Variants in ADCY2 observed in about 807,000 individuals in gnomAD.
ADCY2 encodes adenylate cyclase 2.
ADCY2 carries 31 observed loss-of-function variants against 125.2 expected under a neutral mutation model. The ratio of observed to expected loss-of-function variants is 0.25; its 90% CI spans 0.19 to 0.33. The LOEUF (loss-of-function observed/expected upper bound fraction) is 0.33, where lower values mean the gene tolerates loss of function less well. Ranked by LOEUF, ADCY2 falls within the 10% of genes least tolerant of loss-of-function variation. The pLI is 1.00. For missense variants in ADCY2, 904 were observed against 1,418.2 expected (o/e 0.64, Z 5.82); for synonymous variants, 512 against 548.4 (o/e 0.93, Z 0.93).
intron 4 of ADCY2, among the ~76,000 whole-genome samples, chr5:7,648,393 T>C (rs1738973554): frequency 6.6e-6 from 1 of 152,200 alleles, no homozygotes; most frequent in South Asian, 2.1e-4. Context: ...CTTCTTTGCA[T>C]TTACGGGGAA....
intron 3 of ADCY2, chr5:7,611,219 C>T (rs920319037): frequency 3.3e-5 from 5 of 152,144 alleles, no homozygotes; most frequent in African/African-American, 9.7e-5. Context: ...TTATATGTGA[C>T]ATAGCCTTAT....
intron 15 of ADCY2, among the ~76,000 whole-genome samples, chr5:7,746,979 T>A (rs1742645608): frequency 2.5e-5 from 1 of 39,392 alleles, no homozygotes; most frequent in Non-Finnish European, 6.2e-5. Flanking sequence ...GCAAAAAAAA[T>A]GGTGATGATG....
At chr5:7,413,198 G>T (rs114980514) in intron 1 of ADCY2, among the ~76,000 whole-genome samples, 329 of 152,318 alleles carry the variant, frequency 2.2e-3, no homozygotes, top group African/African-American at 7.7e-3. Context: ...CTGCCAGTGG[G>T]TGGAATGAAC....
In ADCY2 at chr5:7,690,773, A is replaced by G. The variant is rs370280805; in HGVS notation, c.803A>G (p.Lys268Arg). ...ATCATCCAGAGGCTGCAGGGCCCCA[A>G]GGCGGGCCAGATGGAGAACACAAAT... ...AEIIQRLQGP[K>R]AGQMENTNNF... Residue 268 changes from lysine to arginine, a missense_variant, in exon 5 of 25, where the codon AAG becomes AGG. This residue lies in a region of ADCY2 where 117 missense variants were observed against 248.0 expected (regional missense o/e 0.47). Transcript: ENST00000338316. 8.1e-6 allele frequency: 13 copies of G among 1,610,630 alleles called. No homozygotes were observed. The African/African-American group carries it at 1.6e-4, about 20-fold the overall frequency.
At chr5:7,776,769 T>C (rs1743741042) in intron 18 of ADCY2, among the ~76,000 whole-genome samples, 1 of 152,196 alleles carries the variant, frequency 6.6e-6, no homozygotes, top group Admixed American at 6.5e-5. Flanking sequence ...TAAGCTGGCT[T>C]GCTGGCTCTT....
At chr5:7,535,582 A>T (rs1278314898) in intron 3 of ADCY2, among the ~76,000 whole-genome samples, 2 of 152,134 alleles carry the variant, frequency 1.3e-5, no homozygotes, top group Non-Finnish European at 2.9e-5. Flanking sequence ...AAAAATGACC[A>T]CGCTTCCGGC....
chr5:7,663,453 C>A (rs980533399), intron 4 of ADCY2, among the ~76,000 whole-genome samples: 2 of 152,256 alleles, frequency 1.3e-5, no homozygotes, highest in Non-Finnish European at 2.9e-5. Context: ...GCCTAGTACC[C>A]AAGCCTCAGT....
chr5:7,446,960 A>G (rs1741285022), intron 2 of ADCY2, among the ~76,000 whole-genome samples: 1 of 152,184 alleles, frequency 6.6e-6, no homozygotes, highest in Non-Finnish European at 1.5e-5. Context: ...ATTAATGAGT[A>G]TCCACAGACC....
chr5:7,789,394 G>A (rs560061184), intron 19 of ADCY2, among the ~76,000 whole-genome samples: 86 of 152,270 alleles, frequency 5.6e-4, no homozygotes, highest in African/African-American at 2.0e-3. Flanking sequence ...ATGGCGCTTT[G>A]AATTTAAGCC....
rs761858513 is a variant in ADCY2, at chr5:7,690,708, C to T, written c.738C>T (p.Ser246=). The T allele has an allele frequency of 3.8e-6, 6 of 1,597,296 alleles. No homozygotes were observed. Among genetic ancestry groups the T allele is most frequent in the Non-Finnish European group, 4.3e-6 (5 of 1,173,282 alleles). The change falls in exon 5 of 25, where the codon TCC becomes TCT. Residue 246 remains serine, a synonymous_variant. Transcript: ENST00000338316. ...EKRQQERLLL[S]LLPAHIAMEM... ...TTGTCCAGGAGCGGCTTCTGCTCTC[C>T]CTGCTGCCGGCCCACATCGCCATGG...
chr5:7,572,980 G>C (rs1736111461), intron 3 of ADCY2, among the ~76,000 whole-genome samples: 1 of 152,142 alleles, frequency 6.6e-6, no homozygotes, highest in Admixed American at 6.6e-5. Context: ...AGGGTGGGCT[G>C]TAATCTGATA....
intron 2 of ADCY2, among the ~76,000 whole-genome samples, chr5:7,453,668 C>T (rs1002654690): frequency 3.3e-5 from 5 of 152,102 alleles, no homozygotes; most frequent in Admixed American, 1.3e-4. Context: ...GACGAGTGCA[C>T]GGTTTGACTT....
intron 15 of ADCY2, among the ~76,000 whole-genome samples, chr5:7,751,758 A>C (rs144601123): frequency 2.0e-5 from 3 of 152,072 alleles, no homozygotes; most frequent in African/African-American, 7.2e-5. Context: ...GCCCAAGGAA[A>C]TATCTTCTTT....
chr5:7,701,917 G>A (rs1049181339), intron 7 of ADCY2, among the ~76,000 whole-genome samples: 1 of 152,108 alleles, frequency 6.6e-6, no homozygotes, highest in South Asian at 2.1e-4. Context: ...TATCTTATGT[G>A]TGCAGAATCT....
intron 4 of ADCY2, among the ~76,000 whole-genome samples, chr5:7,634,986 C>T (rs1738444444): frequency 6.6e-6 from 1 of 152,032 alleles, no homozygotes; most frequent in East Asian, 1.9e-4. Context: ...AGGTCTCAGA[C>T]CTAGGAGGGC....
intron 4 of ADCY2, among the ~76,000 whole-genome samples, chr5:7,645,123 T>A (rs967227672): frequency 1.5e-4 from 23 of 152,182 alleles, no homozygotes; most frequent in African/African-American, 4.8e-4. Context: ...TCCTTATCTG[T>A]AGAGCAGAGA....
Position 7,698,375 on chromosome 5 carries a change from G to A in ADCY2, c.1109+1G>A. 6.2e-7 allele frequency: 1 copy of A among 1,614,096 alleles called. No individual in the cohort carries two copies. Among genetic ancestry groups the A allele is most frequent in the Non-Finnish European group, 8.5e-7 (1 of 1,179,994 alleles). ...GGCTGGACATGTGTGAAGCCATAAA[G>A]TAAGTGGACTGCTTAGTAAGCATTT... On this transcript the variant is annotated splice_donor_variant, in intron 7 of 24. Transcript: ENST00000338316. LOFTEE classifies it high-confidence loss of function.
chr5:7,628,288 G>A (rs1051362975), intron 4 of ADCY2, among the ~76,000 whole-genome samples: 4 of 152,098 alleles, frequency 2.6e-5, no homozygotes, highest in African/African-American at 4.8e-5. Context: ...CTTCAAAATA[G>A]CACTAAAGCT....
chr5:7,551,232 C>G (rs1735329599), intron 3 of ADCY2, among the ~76,000 whole-genome samples: 1 of 152,058 alleles, frequency 6.6e-6, no homozygotes, highest in Non-Finnish European at 1.5e-5. Flanking sequence ...CTCTAAAAAT[C>G]TTATTTGGGG....
Sources: gnomAD v4.1 joint callset for allele counts (sites outside exome capture counted in the v4.1 genomes callset) on GRCh38, gnomAD v4.1.1 for gene constraint, gnomAD v4.1.1 regional missense constraint, MANE v1.5 for transcripts, NCBI Gene and HGNC (gene_info 2026-07-23, HGNC 2026-07-21) for gene names.